Variants in FAM151A observed in about 807,000 individuals in gnomAD.
The protein encoded by FAM151A is protein FAM151A.
FAM151A carries 41 observed loss-of-function variants against 40.4 expected under a neutral mutation model. The ratio of observed to expected loss-of-function variants is 1.01; its 90% confidence interval spans 0.79 to 1.32. The LOEUF is 1.32. Among genes scored for constraint, FAM151A ranks in the 40% most tolerant of loss-of-function variants. The probability of loss-of-function intolerance (pLI) is 0.00; values close to 1 mark genes in which losing one functional copy is unlikely to be tolerated. For synonymous variants in FAM151A, 337 were observed against 312.5 expected (o/e 1.08, Z -0.83); for missense variants, 740 against 740.4 (o/e 1.00, Z 0.01).
Position 54,610,480 on chromosome 1 carries a change from C to G in FAM151A, c.1016G>C (p.Gly339Ala). Reference sequence around the variant, plus strand: ...AGGAACCAGCCACTCCACATTCAGACCGTCATCCCCAGGCAGCTGGAGAAG... The same window carrying G: ...AGGAACCAGCCACTCCACATTCAGAGCGTCATCCCCAGGCAGCTGGAGAAG... ...IPLLQLPGDD[G>A]LNVEWLVPDV... Residue 339 changes from glycine (G) to alanine (A), a missense_variant, in exon 7 of 8, where the codon GGT (glycine) becomes GCT (alanine). Coordinates refer to ENST00000302250, the MANE Select transcript of FAM151A (RefSeq NM_176782.3). 2 of 1,501,740 alleles carry G rather than the reference C, an allele frequency of 1.3e-6. No homozygotes were observed. The highest frequency in any genetic ancestry group is 2.2e-5 in the South Asian group (2 of 89,666). 93.0% of individuals were successfully genotyped at this position (1,501,740 alleles called of 1,614,324 possible).
Position 54,609,553 on chromosome 1 carries a change from T to C in FAM151A, c.1473A>G (p.Glu491=). ...PEEVLGSGYR[E]QLLTDMLELC... ...ACTCTAGCATATCTGTGAGCAGCTG[T>C]TCCCTGTAGCCACTGCCCAGCACCT... is the stretch of plus-strand genomic sequence containing the variant. Residue 491 remains glutamate, a synonymous_variant, in exon 8 of 8, where the codon GAA becomes GAG. Coordinates refer to ENST00000302250, the MANE Select transcript of FAM151A (RefSeq NM_176782.3). 6.2e-7 allele frequency: 1 copy of C among 1,612,744 alleles called. No individual in the cohort carries two copies. The highest frequency in any genetic ancestry group is 8.5e-7 in the Non-Finnish European group (1 of 1,180,032).
At chr1:54,613,386 A>T (rs1329191696) in intron 4 of FAM151A, among the ~76,000 whole-genome samples, 1 of 151,956 alleles carries the variant, frequency 6.6e-6, no homozygotes, top group Admixed American at 6.6e-5. Context: ...CTCAAAAAAA[A>T]AAAACTTTTT....
rs766174486 is a variant in FAM151A at position 54,623,316 on chromosome 1, A to G, written c.80T>C (p.Ile27Thr). 3 of 1,614,100 alleles carry G rather than the reference A, an allele frequency of 1.9e-6. No homozygotes were observed. Among genetic ancestry groups the G allele is most frequent in the East Asian group, 2.2e-5 (1 of 44,866 alleles). Residue 27 changes from isoleucine to threonine, a missense_variant, in exon 1 of 8, where the codon ATT becomes ACT. By Grantham distance (89) the Ile-to-Thr change is moderately conservative. Coordinates refer to ENST00000302250, the MANE Select transcript of FAM151A (RefSeq NM_176782.3). ...GGTGATGGCAAGGACTATTGCGGCA[A>G]TGACCACCACAGACACACAGGTAAT... is the stretch of plus-strand genomic sequence containing the variant. ...AGITCVSVVVIAAIVLAITLR... is the reference protein window; with the variant it reads ...AGITCVSVVVTAAIVLAITLR...
chr1:54,615,699 C>A (rs1644165814), intron 3 of FAM151A, among the ~76,000 whole-genome samples: 1 of 152,030 alleles, frequency 6.6e-6, no homozygotes, highest in Non-Finnish European at 1.5e-5. Context: ...AAGGGTGGGG[C>A]TGGGCTTTGA....
chr1:54,609,625 C>G lies in FAM151A; in HGVS notation c.1401G>C (p.Val467=). The G allele has an allele frequency of 6.2e-7, 1 of 1,613,716 alleles. No homozygotes were observed. ...HVAGRELLTA[V]AEVFPHVTVA... ...CAGTCACGTGGGGGAAGACCTCAGC[C>G]ACAGCTGTAAGCAGCTCTCTGCCAG... The change falls in exon 8 of 8, where the codon GTG becomes GTC. Residue 467 remains valine (V), a synonymous_variant. Coordinates refer to ENST00000302250, the MANE Select transcript of FAM151A (RefSeq NM_176782.3).
In FAM151A at chr1:54,609,859, A is replaced by G; in HGVS notation, c.1167T>C (p.Ser389=). 1 of 1,614,048 alleles carries G rather than the reference A, an allele frequency of 6.2e-7. No individual in the cohort carries two copies. The highest frequency in any genetic ancestry group is 8.5e-7 in the Non-Finnish European group (1 of 1,180,038). The change falls in exon 8 of 8, where the codon AGT becomes AGC. Residue 389 remains serine (S), a synonymous_variant. Transcript: ENST00000302250. ...ENPVPIVHTP[S]GNILTLESCL... ...AGGACTCCAGCGTCAGGATGTTGCC[A>G]CTTGGAGTATGAACAATGGGCACGG... is the stretch of plus-strand genomic sequence containing the variant.
chr1:54,619,661 G>A (rs1180293983), intron 2 of FAM151A, among the ~76,000 whole-genome samples: 1 of 152,136 alleles, frequency 6.6e-6, no homozygotes, highest in Non-Finnish European at 1.5e-5. Flanking sequence ...TCAGACATGT[G>A]GTTTAAATCT....
chr1:54,617,748 A>T (rs1308939544), intron 2 of FAM151A, among the ~76,000 whole-genome samples: 3 of 60,946 alleles, frequency 4.9e-5, no homozygotes, highest in East Asian at 4.4e-4. Flanking sequence ...TTTTTTTATG[A>T]AGTCTCGCTC....
At chr1:54,613,063 GA>G (rs1557670361) in intron 4 of FAM151A, among the ~76,000 whole-genome samples, 1 of 152,000 alleles carries the variant, frequency 6.6e-6, no homozygotes, top group Admixed American at 6.6e-5. Context: ...GGGAGTCTCT[GA>G]AGTTTCTCAG....
intron 4 of FAM151A, 69 bp from the exon 5 acceptor site, chr1:54,612,779 T>C: frequency 8.3e-7 from 1 of 1,202,556 alleles, no homozygotes; most frequent in South Asian, 1.3e-5. Context: ...TGGGGTCTCA[T>C]CACAGTGCTA....
chr1:54,610,137 C>T, intron 7 of FAM151A, 196 bp from the exon 8 acceptor site: 1 of 1,433,276 alleles, frequency 7.0e-7, no homozygotes, highest in Non-Finnish European at 9.1e-7. Context: ...ACTCTTGTTT[C>T]AGCTCTTGGC....
chr1:54,615,967 G>T, intron 3 of FAM151A, 53 bp downstream of exon 3: 1 of 1,587,418 alleles, frequency 6.3e-7, no homozygotes, highest in Non-Finnish European at 8.6e-7. Context: ...TGCACATGCT[G>T]CCCCAGGGCC....
Position 54,609,729 on chromosome 1 carries a change from TG to T in FAM151A, c.1296del (p.Ser433AlafsTer42), listed in dbSNP as rs1644092309. 1 of 1,614,022 alleles carries T rather than the reference TG, an allele frequency of 6.2e-7. No individual in the cohort carries two copies. Among genetic ancestry groups the T allele is most frequent in the African/African-American group, 1.3e-5 (1 of 74,950 alleles). On this transcript the variant is annotated frameshift_variant, in exon 8 of 8. Transcript: ENST00000302250. LOFTEE classifies it low-confidence loss of function (END_TRUNC). ...RPSLALLARL[S>X]SLGLLHWPVW... ...ACAGGCCAATGCAAGAGGCCAAGGC[TG>T]GAGAGGCGTGCCAGCAAGGCCAGGG...
rs775444262 is a variant in FAM151A at position 54,614,695 on chromosome 1, C to G, written c.575+5G>C. ...CACAGCTGGGACAGAGAGGCGAACA[C>G]TCACTGTGTGGCATTGACCTCAGTT... On this transcript the variant is annotated splice_donor_5th_base_variant and intron_variant, in intron 4 of 7. Transcript: ENST00000302250. The G allele has an allele frequency of 8.6e-5, 138 of 1,609,022 alleles. 1 individual carries two copies. Among genetic ancestry groups the G allele is most frequent in the Non-Finnish European group, 1.1e-4 (133 of 1,176,594 alleles).
In FAM151A at chr1:54,614,835, A is replaced by G; in HGVS notation, c.440T>C (p.Ile147Thr). ...QKGIKLDFKN[I>T]KAVGPSLDLL... ...GTCCAGGGAGGGGCCCACTGCCTTG[A>G]TGTTCTTGAAGTCCAGTTTGATGCC... Residue 147 changes from isoleucine to threonine, a missense_variant, in exon 4 of 8, where the codon ATC becomes ACC. Physicochemically the swap from Ile to Thr is moderately conservative, Grantham distance 89 (BLOSUM62 -1). Coordinates refer to ENST00000302250, the MANE Select transcript of FAM151A (RefSeq NM_176782.3). The G allele has an allele frequency of 1.2e-6, 2 of 1,614,012 alleles. No individual in the cohort carries two copies. Among genetic ancestry groups the G allele is most frequent in the South Asian group, 2.2e-5 (2 of 91,046 alleles).
At chr1:54,620,055 C>A in intron 1 of FAM151A, 48 bp from the exon 2 acceptor site, 1 of 1,594,256 alleles carries the variant, frequency 6.3e-7, no homozygotes, top group Admixed American at 1.7e-5. Flanking sequence ...CGCCCCAGCC[C>A]AAGACTCATG....
chr1:54,609,778 C>A lies in FAM151A; in HGVS notation c.1248G>T (p.Ala416=), dbSNP rs61744146. Residue 416 remains alanine (A), a synonymous_variant, in exon 8 of 8, where the codon GCG becomes GCT. Coordinates refer to ENST00000302250, the MANE Select transcript of FAM151A (RefSeq NM_176782.3). ...PGHWGIHLQI[A]EPAALRPSLA... ...GGGATGGCCGGAGGGCTGCGGGCTC[C>A]GCTATTTGCAAATGGATGCCCCAGT... is the stretch of plus-strand genomic sequence containing the variant. 6.2e-7 allele frequency: 1 copy of A among 1,614,166 alleles called. No homozygotes were observed. The highest frequency in any genetic ancestry group is 1.1e-5 in the South Asian group (1 of 91,090).
At chr1:54,617,797 C>A (rs1221382491) in intron 2 of FAM151A, among the ~76,000 whole-genome samples, 1 of 141,258 alleles carries the variant, frequency 7.1e-6, no homozygotes, top group Non-Finnish European at 1.5e-5. Flanking sequence ...GATCACGGCT[C>A]ACTGCAACCT....
At chr1:54,610,170 G>T in intron 7 of FAM151A, 1 of 1,433,032 alleles carries the variant, frequency 7.0e-7, no homozygotes, top group Non-Finnish European at 9.1e-7. Context: ...CTCAGCCTGG[G>T]GGCTGGTGCC....
Sources: allele counts gnomAD v4.1 joint callset (sites outside exome capture counted in the v4.1 genomes callset), GRCh38; gene constraint gnomAD v4.1.1; transcripts MANE v1.5; gene names NCBI Gene and HGNC (gene_info 2026-07-23, HGNC 2026-07-21).